PLD5: variants seen among roughly 807,000 people sequenced by gnomAD.
PLD5 encodes the protein phospholipase D family member 5, also known as inactive phospholipase D5.
A neutral mutation model predicts 61.1 loss-of-function variants in PLD5; 36 were observed. The observed-to-expected ratio is 0.59, with a 90% confidence interval of 0.45 to 0.78. PLD5 has a LOEUF of 0.78. PLD5 is among the 30% of genes least tolerant of loss of function. The pLI is 0.00. For missense variants in PLD5, 515 were observed against 644.4 expected (o/e 0.80, Z 2.17); for synonymous variants, 243 against 242.8 (o/e 1.00, Z -0.01).
chr1:242,175,256 A>G (rs1391744546), intron 5 of PLD5, among the ~76,000 whole-genome samples: 1 of 152,202 alleles, frequency 6.6e-6, no homozygotes, highest in African/African-American at 2.4e-5. Flanking sequence ...ATCCACCACG[A>G]TCAAGTTGGC....
chr1:242,311,994 G>A (rs1342870571), intron 2 of PLD5, among the ~76,000 whole-genome samples: 2 of 151,848 alleles, frequency 1.3e-5, no homozygotes, highest in East Asian at 1.9e-4. Flanking sequence ...CAAGACTGCT[G>A]TTGCATCTCT....
chr1:242,436,596 G>A (rs1666008644), intron 1 of PLD5, among the ~76,000 whole-genome samples: 1 of 152,168 alleles, frequency 6.6e-6, no homozygotes. Context: ...AAGTACAACT[G>A]AAGACAATCA....
At chr1:242,474,134 G>A (rs1020147306) in intron 1 of PLD5, among the ~76,000 whole-genome samples, 1 of 152,216 alleles carries the variant, frequency 6.6e-6, no homozygotes, top group Non-Finnish European at 1.5e-5. Flanking sequence ...AAATCAGTGA[G>A]AGACATTAGG....
chr1:242,382,233 A>G (rs988112236), intron 1 of PLD5, among the ~76,000 whole-genome samples: 3 of 152,092 alleles, frequency 2.0e-5, no homozygotes, highest in Admixed American at 2.0e-4. Flanking sequence ...TCCTGTTAAT[A>G]TCCAATGGGC....
chr1:242,227,491 AG>A (rs1278250188), intron 4 of PLD5, among the ~76,000 whole-genome samples: 1 of 152,076 alleles, frequency 6.6e-6, no homozygotes, highest in East Asian at 1.9e-4. Flanking sequence ...CAGCCTCCCA[AG>A]TAGCTGGGAC....
chr1:242,117,025 C>T (rs1661997686), intron 6 of PLD5, among the ~76,000 whole-genome samples: 1 of 152,172 alleles, frequency 6.6e-6, no homozygotes, highest in Non-Finnish European at 1.5e-5. Flanking sequence ...GGCACTAGTG[C>T]TGCTTTCAGG....
intron 1 of PLD5, among the ~76,000 whole-genome samples, chr1:242,476,645 T>C (rs1667605265): frequency 6.6e-6 from 1 of 152,310 alleles, no homozygotes. Flanking sequence ...AACACTTCCA[T>C]AAATGGGCTA....
At chr1:242,133,829 A>G (rs1227740469) in intron 5 of PLD5, among the ~76,000 whole-genome samples, 2 of 152,254 alleles carry the variant, frequency 1.3e-5, no homozygotes, top group Non-Finnish European at 2.9e-5. Flanking sequence ...TAATGGGAGG[A>G]ATCTTAAAGG....
intron 1 of PLD5, among the ~76,000 whole-genome samples, chr1:242,514,033 C>T (rs917012187): frequency 9.2e-5 from 14 of 152,176 alleles, no homozygotes; most frequent in African/African-American, 3.4e-4. Context: ...CTGGTCTCCC[C>T]AATTCTAGGC....
intron 5 of PLD5, among the ~76,000 whole-genome samples, chr1:242,202,390 T>C (rs1018584994): frequency 1.3e-5 from 2 of 152,188 alleles, no homozygotes; most frequent in African/African-American, 4.8e-5. Flanking sequence ...TCACATTTAT[T>C]GAGCTTACAA....
intron 6 of PLD5, among the ~76,000 whole-genome samples, chr1:242,117,569 C>T (rs530660901): frequency 5.9e-5 from 9 of 152,102 alleles, no homozygotes; most frequent in East Asian, 1.9e-4. Context: ...TTAGTAGAGA[C>T]GGGGTTTCAC....
intron 1 of PLD5, among the ~76,000 whole-genome samples, chr1:242,511,908 TC>T (rs1260400888): frequency 6.6e-6 from 1 of 152,186 alleles, no homozygotes; most frequent in African/African-American, 2.4e-5. Context: ...TTCCTGTAGA[TC>T]TAAAGGTATT....
intron 6 of PLD5, among the ~76,000 whole-genome samples, chr1:242,120,388 A>G (rs1662272171): frequency 6.6e-6 from 1 of 152,102 alleles, no homozygotes; most frequent in Non-Finnish European, 1.5e-5. Context: ...GCTGACCTCA[A>G]GTGATCAGCC....
At chr1:242,413,982 A>AT (rs1021025486) in intron 1 of PLD5, among the ~76,000 whole-genome samples, 2 of 152,122 alleles carry the variant, frequency 1.3e-5, no homozygotes, top group African/African-American at 4.8e-5. Flanking sequence ...TCAGCTTACT[A>AT]TTTTAAAAAC....
chr1:242,394,882 A>G (rs1663365772), intron 1 of PLD5, among the ~76,000 whole-genome samples: 1 of 105,478 alleles, frequency 9.5e-6, no homozygotes, highest in African/African-American at 3.8e-5. Context: ...ATATATGAAT[A>G]TATGTATATA....
chr1:242,494,868 T>TTTTTC (rs1374845103), intron 1 of PLD5, among the ~76,000 whole-genome samples: 3 of 132,062 alleles, frequency 2.3e-5, no homozygotes, highest in South Asian at 5.1e-4. Flanking sequence ...CCCCAATTTT[T>TTTTTC]TTTTCTTTTC....
chr1:242,264,400 A>G lies in PLD5; in HGVS notation c.607+937T>C, dbSNP rs71498863. ...GCCAAGCTTACGTCTTCTATGTGGTAATGACTTTCAATATGCTTTATCACT... is the reference window on the plus strand; with the variant it reads ...GCCAAGCTTACGTCTTCTATGTGGTGATGACTTTCAATATGCTTTATCACT... On this transcript the variant is annotated intron_variant, in intron 4 of 9. Coordinates refer to ENST00000536534, the MANE Select transcript of PLD5 (RefSeq NM_001372062.1). 4.3e-3 allele frequency among the ~76,000 whole-genome samples: 661 copies of G among 152,264 alleles called. 3 individuals carry two copies. The highest frequency in any genetic ancestry group is 0.012 in the African/African-American group (509 of 41,544).
chr1:242,265,248 A>G (rs1348155187), intron 4 of PLD5, 89 bp downstream of exon 4: 29 of 1,459,362 alleles, frequency 2.0e-5, no homozygotes, highest in Admixed American at 8.6e-5. Context: ...TGTACTAACC[A>G]TAAAGAAATT....
At chr1:242,449,592 G>A in intron 1 of PLD5, 1 of 1,311,988 alleles carries the variant, frequency 7.6e-7, no homozygotes, top group Non-Finnish European at 1.0e-6. Context: ...ATTTCCCCTA[G>A]AATGTGCTCT....
Sources: gnomAD v4.1 joint callset for allele counts (sites outside exome capture counted in the v4.1 genomes callset) on GRCh38, gnomAD v4.1.1 for gene constraint, MANE v1.5 for transcripts, NCBI Gene and HGNC (gene_info 2026-07-23, HGNC 2026-07-21) for gene names.